PBRM1: variants seen among roughly 807,000 people sequenced by gnomAD.
PBRM1 encodes the protein polybromo 1.
Under a neutral mutation model 194.5 loss-of-function variants are expected in PBRM1, and 27 were observed. The ratio of observed to expected loss-of-function variants is 0.14; its 90% CI spans 0.10 to 0.19. The LOEUF is 0.19. Ranked by LOEUF, PBRM1 falls within the 10% of genes least tolerant of loss-of-function variation. The pLI is 1.00. For missense variants in PBRM1, 1,466 were observed against 2,077.2 expected (o/e 0.71, Z 5.72); for synonymous variants, 655 against 693.2 (o/e 0.94, Z 0.87).
rs950123181 is a variant in PBRM1, at chr3:52,612,191, C to T, written c.1925-2236G>A. On this transcript the variant is annotated intron_variant, in intron 15 of 29. Transcript: ENST00000296302. ...AGGACAATCACTTGAACCCAGGAGG[C>T]GGAGGTTGCAGTGAGCCGAGATCGT... Among the ~76,000 whole-genome samples the T allele has an allele frequency of 1.6e-4, 21 of 134,948 alleles. 1 individual carries two copies. Among genetic ancestry groups the T allele is most frequent in the Non-Finnish European group, 1.1e-4 (7 of 65,576 alleles). The allele number at this position is 134,948 out of a possible 152,430, so 88.5% of individuals were successfully genotyped here. A position where few individuals can be genotyped will look rare whatever the true frequency, so the allele number is the denominator to read the frequency against.
chr3:52,585,511 C>T (rs1560087036), intron 20 of PBRM1: 1 of 152,180 alleles, frequency 6.6e-6, no homozygotes, highest in Non-Finnish European at 1.5e-5. Flanking sequence ...ACAGTCTTTA[C>T]ATTTCTTCCA....
chr3:52,639,562 T>C (rs1439289123), intron 10 of PBRM1, among the ~76,000 whole-genome samples: 1 of 151,784 alleles, frequency 6.6e-6, no homozygotes, highest in African/African-American at 2.4e-5. Context: ...TATGGCTTAT[T>C]TTTTAAATTT....
At position 52,643,113 on chromosome 3, in the gene PBRM1, C is replaced by T. The variant is rs1420066079; in HGVS notation, c.995+135G>A. Reference sequence around the variant, plus strand: ...TAGTAACTCAACCTTTTAAATAAACCATTTGACAACAGATTCTCATTAACA... The same window carrying T: ...TAGTAACTCAACCTTTTAAATAAACTATTTGACAACAGATTCTCATTAACA... On this transcript the variant is annotated intron_variant, in intron 9 of 29. Coordinates refer to ENST00000296302, the Ensembl canonical transcript of PBRM1. 5.8e-6 allele frequency: 4 copies of T among 686,544 alleles called. No individual in the cohort carries two copies. In the East Asian group the frequency reaches 1.0e-4, roughly 17 times the overall value. 42.5% of individuals were successfully genotyped at this position (686,544 alleles called of 1,614,324 possible).
chr3:52,673,760 T>C (rs890581289), intron 2 of PBRM1, among the ~76,000 whole-genome samples: 3 of 137,818 alleles, frequency 2.2e-5, no homozygotes, highest in East Asian at 4.3e-4. Flanking sequence ...AGATAATAAA[T>C]AGAAAGGAGG....
intron 29 of PBRM1, among the ~76,000 whole-genome samples, chr3:52,548,708 G>A (rs2080089672): frequency 6.6e-6 from 1 of 152,112 alleles, no homozygotes; most frequent in African/African-American, 2.4e-5. Context: ...TTACAGGTGT[G>A]AGCCACTGCA....
rs549804160 is a variant in PBRM1, at chr3:52,613,865, G to C, written c.1924+1486C>G. 3.3e-5 allele frequency among the ~76,000 whole-genome samples: 5 copies of C among 152,014 alleles called. No homozygotes were observed. The South Asian group carries it at 6.3e-4, about 19-fold the overall frequency. ...ACAAACAAACAAAAGAAATAAAAAG[G>C]AAATTAACATCCCACATAAAAAGCC... On this transcript the variant is annotated intron_variant, in intron 15 of 29. Coordinates refer to ENST00000296302, the Ensembl canonical transcript of PBRM1.
chr3:52,578,969 T>C lies in PBRM1; in HGVS notation c.3533+85A>G, dbSNP rs746761438. The C allele has an allele frequency of 4.6e-6, 6 of 1,294,380 alleles. No individual in the cohort carries two copies. In the South Asian group the frequency reaches 4.7e-5, roughly 10 times the overall value. The allele number at this position is 1,294,380 out of a possible 1,614,324, so 80.2% of individuals were successfully genotyped here. A position where few individuals can be genotyped will look rare whatever the true frequency, so the allele number is the denominator to read the frequency against. On this transcript the variant is annotated intron_variant, in intron 21 of 29. Coordinates refer to ENST00000296302, the Ensembl canonical transcript of PBRM1. ...GAGAAACTGCCAGGGGAAGGACTTT[T>C]GTCTTCATCCGAAGGGTGACTAATT...
intron 11 of PBRM1, among the ~76,000 whole-genome samples, chr3:52,634,379 G>C (rs1489692667): frequency 1.4e-5 from 2 of 148,102 alleles, no homozygotes; most frequent in Non-Finnish European, 3.0e-5. Context: ...GGAGGTTGCA[G>C]TGAGCCGAGA....
chr3:52,634,852 T>C lies in PBRM1; in HGVS notation c.1088-37A>G, dbSNP rs750912949. On this transcript the variant is annotated intron_variant, in intron 10 of 29. Coordinates refer to ENST00000296302, the Ensembl canonical transcript of PBRM1. Reference sequence around the variant, plus strand: ...AAAAAAGTATTTATAAAGGGACGAATGAGATGAAGAAAGAACCATACTTTA... The same window carrying C: ...AAAAAAGTATTTATAAAGGGACGAACGAGATGAAGAAAGAACCATACTTTA... 11 of 1,402,736 alleles carry C rather than the reference T, an allele frequency of 7.8e-6. No homozygotes were observed. In the East Asian group the frequency reaches 1.4e-4, roughly 17 times the overall value. 86.9% of individuals were successfully genotyped at this position (1,402,736 alleles called of 1,614,324 possible).
intron 7 of PBRM1, among the ~76,000 whole-genome samples, chr3:52,646,306 G>C (rs993250594): frequency 6.6e-6 from 1 of 152,108 alleles, no homozygotes; most frequent in Non-Finnish European, 1.5e-5. Flanking sequence ...GATTTTCTGA[G>C]TCTCCTTTGG....
chr3:52,585,046 C>T (rs1046033794), intron 20 of PBRM1, among the ~76,000 whole-genome samples: 8 of 152,166 alleles, frequency 5.3e-5, no homozygotes, highest in African/African-American at 1.7e-4. Context: ...AAAGATCTCC[C>T]TAACTTTGAA....
At chr3:52,679,999 T>C (rs929178734), upstream of PBRM1, among the ~76,000 whole-genome samples, 2 of 152,224 alleles carry the variant, frequency 1.3e-5, no homozygotes, top group African/African-American at 4.8e-5. Context: ...ACTCAACTTC[T>C]GGCTCCAAAT....
At chr3:52,664,320 C>T (rs1471887020) in intron 3 of PBRM1, among the ~76,000 whole-genome samples, 12 of 147,274 alleles carry the variant, frequency 8.1e-5, no homozygotes, top group Admixed American at 4.2e-4. Context: ...CTAAAAAAGA[C>T]GCTACTTCCT....
intron 17 of PBRM1, among the ~76,000 whole-genome samples, chr3:52,599,882 T>A (rs1348061900): frequency 6.6e-6 from 1 of 151,956 alleles, no homozygotes; most frequent in Non-Finnish European, 1.5e-5. Flanking sequence ...TATGAAAATA[T>A]TTTTTATAAA....
chr3:52,570,522 A>G (rs2086710864), intron 22 of PBRM1, among the ~76,000 whole-genome samples: 1 of 152,212 alleles, frequency 6.6e-6, no homozygotes, highest in South Asian at 2.1e-4. Context: ...AAAAATAATA[A>G]TTCTGCTTAC....
chr3:52,634,876 T>A, intron 10 of PBRM1, 61 bp from the exon 12 acceptor site: 2 of 1,152,378 alleles, frequency 1.7e-6, no homozygotes, highest in Non-Finnish European at 2.6e-6. Flanking sequence ...AACCATACTT[T>A]AAAGTTCATT....
intron 20 of PBRM1, among the ~76,000 whole-genome samples, chr3:52,581,444 AG>A (rs1428906510): frequency 6.7e-6 from 1 of 149,978 alleles, no homozygotes; most frequent in African/African-American, 2.5e-5. Flanking sequence ...CATGAGGCGG[AG>A]GTTGCAGTGA....
chr3:52,622,422 C>A (rs2095313297), intron 13 of PBRM1, among the ~76,000 whole-genome samples: 1 of 152,172 alleles, frequency 6.6e-6, no homozygotes, highest in Non-Finnish European at 1.5e-5. Context: ...AAGTACGCTA[C>A]AATTTTAGAA....
chr3:52,611,676 G>A (rs2094617796), intron 15 of PBRM1, among the ~76,000 whole-genome samples: 1 of 151,958 alleles, frequency 6.6e-6, no homozygotes, highest in South Asian at 2.1e-4. Context: ...GTGGTGGCGT[G>A]TACCTGTAGT....
Sources: allele counts gnomAD v4.1 joint callset (sites outside exome capture counted in the v4.1 genomes callset), GRCh38; gene constraint gnomAD v4.1.1; transcripts MANE v1.5; gene names NCBI Gene and HGNC (gene_info 2026-07-23, HGNC 2026-07-21).